MAGI3: variants seen among roughly 807,000 people sequenced by gnomAD.
MAGI3 encodes membrane associated guanylate kinase, WW and PDZ domain containing 3.
In MAGI3, 43 loss-of-function variants were observed where a neutral mutation model predicts 121.8. The observed-to-expected ratio is 0.35, with a 90% CI of 0.28 to 0.46. MAGI3 has a LOEUF of 0.46. Ranked by LOEUF, MAGI3 falls within the 20% of genes least tolerant of loss-of-function variation. The pLI is 1.00. For missense variants in MAGI3, 1,547 were observed against 1,797.3 expected (o/e 0.86, Z 2.52); for synonymous variants, 553 against 639.3 (o/e 0.86, Z 2.04).
At chr1:113,572,752 T>G (rs993279291) in intron 2 of MAGI3, among the ~76,000 whole-genome samples, 5 of 152,200 alleles carry the variant, frequency 3.3e-5, no homozygotes, top group African/African-American at 1.2e-4. Flanking sequence ...CCCTTTATCA[T>G]TTTTTATTGC....
intron 1 of MAGI3, among the ~76,000 whole-genome samples, chr1:113,416,429 T>A (rs1172546433): frequency 7.8e-6 from 1 of 128,362 alleles, no homozygotes; most frequent in Non-Finnish European, 1.6e-5. Flanking sequence ...ATTAATAATA[T>A]ATATTAATTA....
intron 1 of MAGI3, among the ~76,000 whole-genome samples, chr1:113,531,867 G>A (rs180999508): frequency 3.6e-4 from 55 of 152,258 alleles, no homozygotes; most frequent in African/African-American, 1.3e-3. Flanking sequence ...AACTTCATAT[G>A]TATGAGCCTA....
intron 1 of MAGI3, among the ~76,000 whole-genome samples, chr1:113,529,739 A>G (rs1047775233): frequency 6.6e-6 from 1 of 152,202 alleles, no homozygotes; most frequent in Non-Finnish European, 1.5e-5. Context: ...ATTATTTTCA[A>G]AAATAACCAT....
intron 2 of MAGI3, among the ~76,000 whole-genome samples, chr1:113,580,297 A>G (rs539238322): frequency 3.9e-4 from 59 of 150,770 alleles, no homozygotes; most frequent in African/African-American, 1.4e-3. Context: ...GCTAGAGATG[A>G]AAAAATTAAG....
At chr1:113,445,662 A>G (rs1259817831) in intron 1 of MAGI3, among the ~76,000 whole-genome samples, 1 of 152,188 alleles carries the variant, frequency 6.6e-6, no homozygotes, top group Non-Finnish European at 1.5e-5. Flanking sequence ...GAAGCAACTT[A>G]TCACATACCA....
chr1:113,529,399 T>G (rs1658603287), intron 1 of MAGI3, among the ~76,000 whole-genome samples: 1 of 152,208 alleles, frequency 6.6e-6, no homozygotes, highest in Non-Finnish European at 1.5e-5. Context: ...GATGTCCATC[T>G]TTTTGCTGTG....
chr1:113,671,007 T>TAGGCATCTTGTTTAA (rs1647519810), intron 16 of MAGI3, among the ~76,000 whole-genome samples: 1 of 152,244 alleles, frequency 6.6e-6, no homozygotes, highest in Non-Finnish European at 1.5e-5. Flanking sequence ...CTGCCAGCCT[T>TAGGCATCTTGTTTAA]AGGCATCTTG....
intron 1 of MAGI3, among the ~76,000 whole-genome samples, chr1:113,519,003 C>G (rs144724398): frequency 6.6e-6 from 1 of 151,992 alleles, no homozygotes; most frequent in African/African-American, 2.4e-5. Context: ...CCCGTTACTA[C>G]GAACTACACA....
At chr1:113,533,788 T>TC (rs1415806039) in intron 1 of MAGI3, among the ~76,000 whole-genome samples, 1 of 149,974 alleles carries the variant, frequency 6.7e-6, no homozygotes, top group Non-Finnish European at 1.5e-5. Flanking sequence ...TCTTTTTCTT[T>TC]TTTTTTTTTT....
intron 1 of MAGI3, among the ~76,000 whole-genome samples, chr1:113,405,110 G>C (rs1333528827): frequency 6.6e-6 from 1 of 152,114 alleles, no homozygotes; most frequent in Non-Finnish European, 1.5e-5. Context: ...TGATATATGA[G>C]AATTTCCAGA....
chr1:113,650,062 A>G (rs568218502), intron 13 of MAGI3, among the ~76,000 whole-genome samples: 3 of 151,958 alleles, frequency 2.0e-5, no homozygotes, highest in Non-Finnish European at 4.4e-5. Context: ...AATATATTAT[A>G]TATCAAAAAA....
intron 1 of MAGI3, among the ~76,000 whole-genome samples, chr1:113,480,863 G>T (rs1656077570): frequency 6.6e-6 from 1 of 152,116 alleles, no homozygotes; most frequent in South Asian, 2.1e-4. Flanking sequence ...TGTGACTTTT[G>T]AATCCGCCAG....
chr1:113,525,176 A>G (rs1366649785), intron 1 of MAGI3, among the ~76,000 whole-genome samples: 2 of 152,214 alleles, frequency 1.3e-5, no homozygotes, highest in African/African-American at 4.8e-5. Context: ...TTTATCAGCA[A>G]CATGAAAACG....
chr1:113,652,602 A>C (rs568210364), intron 14 of MAGI3, among the ~76,000 whole-genome samples: 5 of 152,194 alleles, frequency 3.3e-5, no homozygotes, highest in Admixed American at 1.3e-4. Context: ...AAGAAGTTTC[A>C]TAGTAGTTTG....
intron 16 of MAGI3, among the ~76,000 whole-genome samples, chr1:113,663,149 C>T (rs539894126): frequency 2.0e-4 from 31 of 151,794 alleles, no homozygotes; most frequent in Non-Finnish European, 2.6e-4. Flanking sequence ...CACTTGAACC[C>T]GGGAGGCAGA....
chr1:113,426,050 CCT>C (rs1652992965), intron 1 of MAGI3, among the ~76,000 whole-genome samples: 1 of 151,936 alleles, frequency 6.6e-6, no homozygotes. Flanking sequence ...TATAAATTTT[CCT>C]GTCAGCACTG....
At chr1:113,657,559 T>C (rs1653547085) in intron 15 of MAGI3, among the ~76,000 whole-genome samples, 1 of 152,228 alleles carries the variant, frequency 6.6e-6, no homozygotes, top group Non-Finnish European at 1.5e-5. Context: ...GCCAAGGAAC[T>C]GAATGATTTT....
chr1:113,614,406 T>G (rs1265008882), intron 6 of MAGI3, among the ~76,000 whole-genome samples, 195 bp from the exon 7 acceptor site: 2 of 152,194 alleles, frequency 1.3e-5, no homozygotes, highest in Non-Finnish European at 2.9e-5. Context: ...GTTCTGGGCT[T>G]CTGATTGCTT....
At chr1:113,567,582 T>G (rs777713679) in intron 2 of MAGI3, among the ~76,000 whole-genome samples, 3 of 152,080 alleles carry the variant, frequency 2.0e-5, no homozygotes, top group Non-Finnish European at 4.4e-5. Context: ...CAGCTAAAAT[T>G]TATGCCTGGA....
Sources: allele counts gnomAD v4.1 joint callset (sites outside exome capture counted in the v4.1 genomes callset), GRCh38; gene constraint gnomAD v4.1.1; transcripts MANE v1.5; gene names NCBI Gene and HGNC (gene_info 2026-07-23, HGNC 2026-07-21).